Variants in DNM3 observed in about 807,000 individuals in gnomAD.
The protein encoded by DNM3 is dynamin 3.
Under a neutral mutation model 101.6 loss-of-function variants are expected in DNM3, and 47 were observed. The observed-to-expected ratio is 0.46, with a 90% CI of 0.37 to 0.59. The LOEUF is 0.59. Ranked by LOEUF, DNM3 falls within the 20% of genes least tolerant of loss-of-function variation. The pLI, the probability that DNM3 is intolerant of heterozygous loss-of-function variation, is 0.00. For synonymous variants in DNM3, 385 were observed against 387.9 expected (o/e 0.99, Z 0.09); for missense variants, 849 against 1,085.7 (o/e 0.78, Z 3.06).
At chr1:172,096,071 C>T (rs2054226871) in intron 13 of DNM3, among the ~76,000 whole-genome samples, 1 of 152,144 alleles carries the variant, frequency 6.6e-6, no homozygotes, top group South Asian at 2.1e-4. Flanking sequence ...CTGAAGTCCA[C>T]TTCCTTTTCC....
chr1:172,264,570 C>A (rs1226627193), intron 15 of DNM3, among the ~76,000 whole-genome samples: 1 of 152,168 alleles, frequency 6.6e-6, no homozygotes, highest in Non-Finnish European at 1.5e-5. Context: ...TAAATGCCTC[C>A]ATTACTTTGT....
At chr1:172,180,041 G>A (rs1297899694) in intron 14 of DNM3, among the ~76,000 whole-genome samples, 1 of 151,988 alleles carries the variant, frequency 6.6e-6, no homozygotes, top group Non-Finnish European at 1.5e-5. Context: ...CAAATTTGCA[G>A]TGTTTTTGAA....
At chr1:172,031,979 G>C (rs1160490974) in intron 4 of DNM3, among the ~76,000 whole-genome samples, 7 of 151,908 alleles carry the variant, frequency 4.6e-5, no homozygotes, top group Non-Finnish European at 1.5e-5. Flanking sequence ...GGTTTATGAC[G>C]CACTCTCATC....
chr1:171,944,671 G>A (rs1272551433), intron 2 of DNM3, among the ~76,000 whole-genome samples: 2 of 151,824 alleles, frequency 1.3e-5, no homozygotes, highest in Non-Finnish European at 2.9e-5. Context: ...ACCATGCCCA[G>A]CCTCAATTCC....
intron 1 of DNM3, among the ~76,000 whole-genome samples, chr1:171,875,730 G>T (rs919547553): frequency 2.7e-5 from 4 of 150,902 alleles, no homozygotes; most frequent in Non-Finnish European, 4.4e-5. Context: ...TAAGTGAGTT[G>T]CTATTTGTAA....
rs527281933 is a variant in DNM3, at chr1:172,203,263, C to T, written c.1660-50310C>T. Reference sequence around the variant, plus strand: ...TGAGCCACAAGCTGCTCTTTCCAGACGCTGTGTTTAGATTCCTTGTGAGCC... The same window carrying T: ...TGAGCCACAAGCTGCTCTTTCCAGATGCTGTGTTTAGATTCCTTGTGAGCC... On this transcript the variant is annotated intron_variant, in intron 14 of 20. Coordinates refer to ENST00000627582, the MANE Select transcript of DNM3 (RefSeq NM_015569.5). 2.5e-4 allele frequency among the ~76,000 whole-genome samples: 38 copies of T among 152,242 alleles called. No individual in the cohort carries two copies. The South Asian group carries it at 6.6e-3, about 27-fold the overall frequency.
intron 2 of DNM3, among the ~76,000 whole-genome samples, chr1:171,952,198 C>T (rs1324020496): frequency 1.3e-5 from 2 of 152,170 alleles, no homozygotes; most frequent in Non-Finnish European, 2.9e-5. Context: ...TTTAGTTAAT[C>T]CTTTCTTAAA....
At chr1:172,248,692 T>C (rs1186432896) in intron 14 of DNM3, among the ~76,000 whole-genome samples, 2 of 152,284 alleles carry the variant, frequency 1.3e-5, no homozygotes, top group East Asian at 1.9e-4. Context: ...GCAATCAGTC[T>C]AGACTTTGTA....
chr1:172,274,301 T>C (rs1309864887), intron 15 of DNM3, among the ~76,000 whole-genome samples: 1 of 152,046 alleles, frequency 6.6e-6, no homozygotes, highest in African/African-American at 2.4e-5. Flanking sequence ...AGAGAAATCA[T>C]CAACTAGCTC....
At chr1:172,405,445 G>A (rs1158812198) in intron 20 of DNM3, among the ~76,000 whole-genome samples, 1 of 151,960 alleles carries the variant, frequency 6.6e-6, no homozygotes, top group Non-Finnish European at 1.5e-5. Flanking sequence ...CAGAAGGACT[G>A]AGGAATAACA....
chr1:171,983,795 A>G (rs1158866197), intron 2 of DNM3, among the ~76,000 whole-genome samples: 2 of 152,192 alleles, frequency 1.3e-5, no homozygotes, highest in Non-Finnish European at 2.9e-5. Flanking sequence ...GAAATTTTTC[A>G]GAGTAGAGAC....
chr1:171,887,084 T>C (rs4916407), intron 1 of DNM3, among the ~76,000 whole-genome samples: 64,792 of 151,924 alleles, frequency 0.43, 13,950 homozygotes, highest in African/African-American at 0.44. Flanking sequence ...GAGAGAAAAC[T>C]CAATTACCTG....
In DNM3 at chr1:172,101,938, A is replaced by G. The variant is rs552493210; in HGVS notation, c.1545+9063A>G. Among the ~76,000 whole-genome samples, 242 of 151,838 alleles carry G rather than the reference A, an allele frequency of 1.6e-3. 2 individuals carry two copies. Among genetic ancestry groups the G allele is most frequent in the Non-Finnish European group, 2.9e-3 (200 of 67,962 alleles). ...CAATGGTGTGATATCGGCTCACCGC[A>G]ATCTCTGCCTCCCAGGTTCAAGCAA... is the stretch of plus-strand genomic sequence containing the variant. On this transcript the variant is annotated intron_variant, in intron 13 of 20. Coordinates refer to ENST00000627582, the MANE Select transcript of DNM3 (RefSeq NM_015569.5).
At chr1:172,073,082 T>TA (rs34946692) in intron 11 of DNM3, among the ~76,000 whole-genome samples, 1 of 151,712 alleles carries the variant, frequency 6.6e-6, no homozygotes, top group South Asian at 2.1e-4. Context: ...AGAGAAATAT[T>TA]AAAAAAAATT....
intron 17 of DNM3, among the ~76,000 whole-genome samples, chr1:172,337,866 T>TTTAA (rs2066501619): frequency 8.8e-5 from 10 of 113,130 alleles, no homozygotes; most frequent in African/African-American, 3.3e-4. Context: ...TTTTATTTTA[T>TTTAA]TTTTATTTTA....
At chr1:171,904,050 G>A (rs1055320121) in intron 1 of DNM3, among the ~76,000 whole-genome samples, 1 of 151,798 alleles carries the variant, frequency 6.6e-6, no homozygotes, top group Non-Finnish European at 1.5e-5. Context: ...GCTCACAGCT[G>A]TAATCTCAGC....
In DNM3 at chr1:172,351,390, T is replaced by A. The variant is rs1469100062; in HGVS notation, c.1894-27628T>A. Among the ~76,000 whole-genome samples, 6 of 152,272 alleles carry A rather than the reference T, an allele frequency of 3.9e-5. No homozygotes were observed. In the East Asian group the frequency reaches 9.6e-4, roughly 24 times the overall value. On this transcript the variant is annotated intron_variant, in intron 17 of 20. Transcript: ENST00000627582. ...AATATTTGTTAAAATTTTAATATAA[T>A]AAATACTAGGATTTTTTAAAGTAAA...
At chr1:172,150,209 C>T (rs2058076188) in intron 14 of DNM3, among the ~76,000 whole-genome samples, 1 of 151,988 alleles carries the variant, frequency 6.6e-6, no homozygotes, top group Admixed American at 6.6e-5. Context: ...CATATGAGAC[C>T]ATATTAGAAT....
chr1:172,351,928 G>T (rs918285516), intron 17 of DNM3, among the ~76,000 whole-genome samples: 2 of 152,132 alleles, frequency 1.3e-5, no homozygotes, highest in African/African-American at 4.8e-5. Context: ...GACAAATTCC[G>T]ATCCGTCAGC....
Sources: gnomAD v4.1 joint callset for allele counts (sites outside exome capture counted in the v4.1 genomes callset) on GRCh38, gnomAD v4.1.1 for gene constraint, MANE v1.5 for transcripts, NCBI Gene and HGNC (gene_info 2026-07-23, HGNC 2026-07-21) for gene names.